The following FLG2 variants were observed in gnomAD, a reference collection of about 807,000 sequenced individuals.
FLG2 encodes the protein filaggrin-2.
Under a neutral mutation model 3.9 loss-of-function variants are expected in FLG2, and 7 were observed. The observed-to-expected ratio is 1.79, with a 90% CI of 1.02 to 3.36. The LOEUF is 3.36. Among genes scored for constraint, FLG2 ranks in the 30% most tolerant of loss-of-function variants. The probability of loss-of-function intolerance (pLI) is 0.00; values close to 1 mark genes in which losing one functional copy is unlikely to be tolerated. For missense variants in FLG2, 2,700 were observed against 2,809.4 expected, an observed-to-expected ratio of 0.96 and a Z score of 0.88; for synonymous variants, 1,031 against 1,056.1, an observed-to-expected ratio of 0.98 and a Z score of 0.46.
At position 152,353,880 on chromosome 1, in the gene FLG2, C is replaced by T. The variant is rs777835370; in HGVS notation, c.3906G>A (p.Lys1302=). 1.4e-5 allele frequency: 22 copies of T among 1,613,910 alleles called. No individual in the cohort carries two copies. The highest frequency in any genetic ancestry group is 1.2e-4 in the Admixed American group (7 of 60,000). ...GTCTTCTGCGAACTGTGGATCCTGACTTTGGGTAGTGAGATCCAGCTTGTG... is the reference window on the plus strand; with the variant it reads ...GTCTTCTGCGAACTGTGGATCCTGATTTTGGGTAGTGAGATCCAGCTTGTG... ...IHTQAGSHYP[K]SGSTVRRRQG... The change falls in exon 3 of 3, where the codon AAG becomes AAA. Residue 1302 remains lysine, a synonymous_variant. Transcript: ENST00000388718.
Position 152,359,769 on chromosome 1 carries a change from A to G in FLG2, c.-23+187T>C, listed in dbSNP as rs950028061. On this transcript the variant is annotated intron_variant, in intron 1 of 2. Coordinates refer to ENST00000388718, the MANE Select transcript of FLG2 (RefSeq NM_001014342.3). ...CCATAAAAATGAACTTAACTACAAA[A>G]AGGCCCCAGAATAAACTAAACTAAC... Among the ~76,000 whole-genome samples, 101 of 152,164 alleles carry G rather than the reference A, an allele frequency of 6.6e-4. 3 individuals carry two copies. Among genetic ancestry groups the G allele is most frequent in the Non-Finnish European group, 8.8e-5 (6 of 68,018 alleles).
At position 152,351,215 on chromosome 1, in the gene FLG2, C is replaced by G; in HGVS notation, c.6571G>C (p.Glu2191Gln). 1.2e-6 allele frequency: 2 copies of G among 1,612,616 alleles called. No individual in the cohort carries two copies. Among genetic ancestry groups the G allele is most frequent in the Non-Finnish European group, 1.7e-6 (2 of 1,179,632 alleles). The change falls in exon 3 of 3, where the codon GAG (glutamate) becomes CAG (glutamine). Residue 2191 changes from glutamate (E) to glutamine (Q), a missense_variant. Transcript: ENST00000388718. ...SESSDSEVHS[E>Q]ASPTHSGHTH... The stretch of plus-strand genomic sequence containing the variant: ...TGTCCTGAATGTGTGGGTGAGGCCT[C>G]TGAGTGCACTTCACTATCACTGGAC...
At position 152,359,987 on chromosome 1, in the gene FLG2, C is replaced by G. The variant is rs1654387864; in HGVS notation, c.-54G>C. On this transcript the variant is annotated 5_prime_UTR_variant, in exon 1 of 3. Transcript: ENST00000388718. ...CACCAAAGGAACAAGTAGGATAAAG[C>G]CTGATGCAGCTTGCAGGGTGACGAT... is the stretch of plus-strand genomic sequence containing the variant. The G allele has an allele frequency of 6.6e-6, 1 of 152,182 alleles. No homozygotes were observed. The highest frequency in any genetic ancestry group is 2.1e-4 in the South Asian group (1 of 4,830). 9.4% of individuals were successfully genotyped at this position (152,182 alleles called of 1,614,324 possible).
chr1:152,358,279 C>T (rs1654323152), intron 2 of FLG2, among the ~76,000 whole-genome samples: 1 of 152,112 alleles, frequency 6.6e-6, no homozygotes, highest in Non-Finnish European at 1.5e-5. Context: ...CTTCGGCCTC[C>T]CAAAGTGCTG....
chr1:152,356,285 G>T lies in FLG2; in HGVS notation c.1501C>A (p.Gln501Lys), dbSNP rs751789027. The change falls in exon 3 of 3, where the codon CAG (glutamine) becomes AAG (lysine). Residue 501 changes from glutamine to lysine, a missense_variant. Coordinates refer to ENST00000388718, the MANE Select transcript of FLG2 (RefSeq NM_001014342.3). ...GFGQCGSGSG[Q>K]SSGFGQHGSV... Reference sequence around the variant, plus strand: ...CCATGCTGTCCAAAGCCAGAGGACTGACCTGAGCCTGACCCACATTGTCCA... The same window carrying T: ...CCATGCTGTCCAAAGCCAGAGGACTTACCTGAGCCTGACCCACATTGTCCA... The T allele has an allele frequency of 6.2e-7, 1 of 1,614,110 alleles. No individual in the cohort carries two copies. The highest frequency in any genetic ancestry group is 1.7e-5 in the Admixed American group (1 of 60,020).
At position 152,351,863 on chromosome 1, in the gene FLG2, T is replaced by G. The variant is rs765245277; in HGVS notation, c.5923A>C (p.Thr1975Pro). The part of the protein sequence containing the change: ...SGVSHTHSGH[T>P]HGQAGSHYPE... ...TAGTGAGATCCAGCTTGACCGTGAGTGTGTCCTGAATGTGTGTGTGAGACC... is the reference window on the plus strand; with the variant it reads ...TAGTGAGATCCAGCTTGACCGTGAGGGTGTCCTGAATGTGTGTGTGAGACC... The change falls in exon 3 of 3, where the codon ACT (threonine) becomes CCT (proline). Residue 1975 changes from threonine (T) to proline (P), a missense_variant. By Grantham distance (38) the Thr-to-Pro change is conservative. Transcript: ENST00000388718. 6.2e-7 allele frequency: 1 copy of G among 1,601,860 alleles called. No homozygotes were observed. Among genetic ancestry groups the G allele is most frequent in the African/African-American group, 1.4e-5 (1 of 70,558 alleles).
chr1:152,350,573 C>T lies in FLG2; in HGVS notation c.*37G>A, dbSNP rs191550376. On this transcript the variant is annotated 3_prime_UTR_variant, in exon 3 of 3. Coordinates refer to ENST00000388718, the MANE Select transcript of FLG2 (RefSeq NM_001014342.3). ...CTGTGTCTTCCTGTTCTTTTAGTTG[C>T]TTTGGATACTATAAGGTCAGAACTA... The T allele has an allele frequency of 2.6e-5, 41 of 1,573,344 alleles. No individual in the cohort carries two copies. Among genetic ancestry groups the T allele is most frequent in the Admixed American group, 9.1e-5 (5 of 54,926 alleles).
rs1198392191 is a variant in FLG2, at chr1:152,355,160, A to G, written c.2626T>C (p.Ser876Pro). 1 of 1,556,084 alleles carries G rather than the reference A, an allele frequency of 6.4e-7. No homozygotes were observed. The highest frequency in any genetic ancestry group is 8.7e-7 in the Non-Finnish European group (1 of 1,153,930). Residue 876 changes from serine (S) to proline (P), a missense_variant, in exon 3 of 3, where the codon TCA becomes CCA. Physicochemically the swap from Ser to Pro is moderately conservative, Grantham distance 74. Coordinates refer to ENST00000388718, the MANE Select transcript of FLG2 (RefSeq NM_001014342.3). ...GQTSGFGQHR[S>P]SSGQYSGFGQ... ...AAGCCAGAGTATTGACCTGAGCTTG[A>G]CCTGTGTTGTCCAAAGCCAGATGTC...
At position 152,348,943 on chromosome 1, in the gene FLG2, G is replaced by A. The variant is rs1049309961; in HGVS notation, c.*1667C>T. ...GATGTGTTATAATGTTTCTAGAGAC[G>A]TTTTGGCTCCTAAACCACGTCATTT... is the stretch of plus-strand genomic sequence containing the variant. On this transcript the variant is annotated 3_prime_UTR_variant, in exon 3 of 3. Transcript: ENST00000388718. 2 of 152,098 alleles carry A rather than the reference G, an allele frequency of 1.3e-5. No individual in the cohort carries two copies. Among genetic ancestry groups the A allele is most frequent in the African/African-American group, 4.8e-5 (2 of 41,416 alleles). 9.4% of individuals were successfully genotyped at this position (152,098 alleles called of 1,614,324 possible). A position where few individuals can be genotyped will look rare whatever the true frequency, so the allele number is the denominator to read the frequency against.
At position 152,351,778 on chromosome 1, in the gene FLG2, T is replaced by G; in HGVS notation, c.6008A>C (p.Asp2003Ala). ...RHGTTHGQTA[D>A]TTRHGHSGHG... is the part of the protein sequence containing the mutation. The stretch of plus-strand genomic sequence containing the variant: ...ACCAGAGTGGCCATGTCTAGTGGTA[T>G]CTGCTGTTTGTCCATGAGTAGTTCC... The change falls in exon 3 of 3, where the codon GAT (aspartate) becomes GCT (alanine). Residue 2003 changes from aspartate to alanine, a missense_variant. Physicochemically the swap from Asp to Ala is moderately radical, Grantham distance 126. Transcript: ENST00000388718. 1 of 1,612,534 alleles carries G rather than the reference T, an allele frequency of 6.2e-7. No homozygotes were observed. The highest frequency in any genetic ancestry group is 8.5e-7 in the Non-Finnish European group (1 of 1,179,844).
rs1388321198 is a variant in FLG2 at position 152,350,628 on chromosome 1, C to T, written c.7158G>A (p.Lys2386=). 6.2e-7 allele frequency: 1 copy of T among 1,613,400 alleles called. No individual in the cohort carries two copies. Among genetic ancestry groups the T allele is most frequent in the Non-Finnish European group, 8.5e-7 (1 of 1,179,746 alleles). Residue 2386 remains lysine, a synonymous_variant, in exon 3 of 3, where the codon AAG becomes AAA. Coordinates refer to ENST00000388718, the MANE Select transcript of FLG2 (RefSeq NM_001014342.3). ...LSWSTDSTAN[K]QLSRH ...ATAACTGTCAATGTCTAGACAGTTG[C>T]TTGTTTGCAGTGCTGTCTGTTGACC... is the stretch of plus-strand genomic sequence containing the variant.
In FLG2 at chr1:152,355,748, C is replaced by A. The variant is rs1420496322; in HGVS notation, c.2038G>T (p.Gly680Cys). 6.2e-7 allele frequency: 1 copy of A among 1,613,758 alleles called. No individual in the cohort carries two copies. The highest frequency in any genetic ancestry group is 8.5e-7 in the Non-Finnish European group (1 of 1,179,984). Reference sequence around the variant, plus strand: ...GATCTAGACTCATGTTGTCCAAAACCAGAGGATTGTCCTGAGCCAGAAACA... The same window carrying A: ...GATCTAGACTCATGTTGTCCAAAACAAGAGGATTGTCCTGAGCCAGAAACA... ...QHVSGSGQSS[G>C]FGQHESRSGH... Residue 680 changes from glycine (G) to cysteine (C), a missense_variant, in exon 3 of 3, where the codon GGT becomes TGT. Physicochemically the swap from Gly to Cys is radical, Grantham distance 159. Coordinates refer to ENST00000388718, the MANE Select transcript of FLG2 (RefSeq NM_001014342.3).
At position 152,354,260 on chromosome 1, in the gene FLG2, T is replaced by A; in HGVS notation, c.3526A>T (p.Thr1176Ser). Residue 1176 changes from threonine to serine, a missense_variant, in exon 3 of 3, where the codon ACC (threonine) becomes TCC (serine). Thr to Ser is a moderately conservative substitution (Grantham distance 58). Coordinates refer to ENST00000388718, the MANE Select transcript of FLG2 (RefSeq NM_001014342.3). ...GACACATGCTGTCCAAAACTTGTGG[T>A]TGGACCTGAGCCAGACTCATGTTGG... ...CGQHESGSGP[T>S]TSFGQHVSGS... 6.2e-7 allele frequency: 1 copy of A among 1,614,040 alleles called. No individual in the cohort carries two copies.
chr1:152,353,411 A>T lies in FLG2; in HGVS notation c.4375T>A (p.Ser1459Thr). 6.2e-7 allele frequency: 1 copy of T among 1,609,368 alleles called. No homozygotes were observed. Among genetic ancestry groups the T allele is most frequent in the Non-Finnish European group, 8.5e-7 (1 of 1,179,234 alleles). The change falls in exon 3 of 3, where the codon TCC becomes ACC. Residue 1459 changes from serine (S) to threonine (T), a missense_variant. Physicochemically the swap from Ser to Thr is moderately conservative, Grantham distance 58. Transcript: ENST00000388718. ...QAGSQHGESG[S>T]TVHGRHGTTH... ...GTTCCGTGTCTCCCATGAACTGTGG[A>T]TCCTGACTCTCCATGTTGAGATCCG...
rs145104019 is a variant in FLG2, at chr1:152,350,706, C to T, written c.7080G>A (p.Gly2360=). 3.0e-5 allele frequency: 49 copies of T among 1,614,082 alleles called. No homozygotes were observed. Among genetic ancestry groups the T allele is most frequent in the Non-Finnish European group, 4.0e-5 (47 of 1,180,052 alleles). ...TTCTGCTGCCACCAGAAGGCCCATA[C>T]CCAGTGTGCCCATAGTCATATTCTG... The part of the protein sequence containing the change: ...GPAEYDYGHT[G]YGPSGGSRKS... Residue 2360 remains glycine, a synonymous_variant, in exon 3 of 3, where the codon GGG becomes GGA. Transcript: ENST00000388718.
rs1483191992 is a variant in FLG2, at chr1:152,352,038, G to C, written c.5748C>G (p.His1916Gln). 1 of 1,612,668 alleles carries C rather than the reference G, an allele frequency of 6.2e-7. No individual in the cohort carries two copies. The highest frequency in any genetic ancestry group is 8.5e-7 in the Non-Finnish European group (1 of 1,179,614). Reference protein sequence around the residue: ...SQHGESESTVHKRHQTTHGQT... With the variant: ...SQHGESESTVQKRHQTTHGQT... Reference sequence around the variant, plus strand: ...GTCCATGAGTAGTTTGGTGTCTCTTGTGAACTGTGGATTCTGACTCTCCAT... The same window carrying C: ...GTCCATGAGTAGTTTGGTGTCTCTTCTGAACTGTGGATTCTGACTCTCCAT... Residue 1916 changes from histidine to glutamine, a missense_variant, in exon 3 of 3, where the codon CAC becomes CAG. By Grantham distance (24) the His-to-Gln change is conservative. Transcript: ENST00000388718.
Position 152,355,544 on chromosome 1 carries a change from G to A in FLG2, c.2242C>T (p.His748Tyr), listed in dbSNP as rs747629772. ...GSGQSSGFGQHGSGSGQSSGF... is the reference protein window; with the variant it reads ...GSGQSSGFGQYGSGSGQSSGF... Reference sequence around the variant, plus strand: ...GAGGATTGTCCTGAGCCAGACCCATGTTGTCCAAAGCCAGAGGACTGACCT... The same window carrying A: ...GAGGATTGTCCTGAGCCAGACCCATATTGTCCAAAGCCAGAGGACTGACCT... Residue 748 changes from histidine (H) to tyrosine (Y), a missense_variant, in exon 3 of 3, where the codon CAT (histidine) becomes TAT (tyrosine). By Grantham distance (83) the His-to-Tyr change is moderately conservative (BLOSUM62 2). Transcript: ENST00000388718. 5.0e-6 allele frequency: 8 copies of A among 1,613,806 alleles called. No individual in the cohort carries two copies. In the Admixed American group the frequency reaches 8.3e-5, roughly 17 times the overall value.
Position 152,350,854 on chromosome 1 carries a change from C to A in FLG2, c.6932G>T (p.Gly2311Val), listed in dbSNP as rs1368627121. Residue 2311 changes from glycine to valine, a missense_variant, in exon 3 of 3, where the codon GGT becomes GTT. Transcript: ENST00000388718. The part of the protein sequence containing the change: ...TGDTTRHGHS[G>V]YGQSTQTGSR... ...ACCTGTCTGTGTGGATTGTCCATAACCAGAATGGCCATGTCTAGTGGTATC... is the reference window on the plus strand; with the variant it reads ...ACCTGTCTGTGTGGATTGTCCATAAACAGAATGGCCATGTCTAGTGGTATC... 2 of 1,614,152 alleles carry A rather than the reference C, an allele frequency of 1.2e-6. No individual in the cohort carries two copies. The highest frequency in any genetic ancestry group is 1.7e-6 in the Non-Finnish European group (2 of 1,180,032).
chr1:152,352,556 G>C lies in FLG2; in HGVS notation c.5230C>G (p.His1744Asp). 2 of 1,613,604 alleles carry C rather than the reference G, an allele frequency of 1.2e-6. No individual in the cohort carries two copies. The highest frequency in any genetic ancestry group is 1.6e-4 in the Middle Eastern group (1 of 6,062). The change falls in exon 3 of 3, where the codon CAT becomes GAT. Residue 1744 changes from histidine to aspartate, a missense_variant. Transcript: ENST00000388718. ...SEGYSGVSHTHSGHTHGQARS... is the reference protein window; with the variant it reads ...SEGYSGVSHTDSGHTHGQARS... ...GCTTGGCCATGAGTGTGTCCTGAAT[G>C]TGTATGTGAGACTCCTGAGTACCCT...
Sources: allele counts gnomAD v4.1 joint callset (sites outside exome capture counted in the v4.1 genomes callset), GRCh38; gene constraint gnomAD v4.1.1; transcripts MANE v1.5; gene names NCBI Gene and HGNC (gene_info 2026-07-23, HGNC 2026-07-21).